Variants in SCN3A observed in about 807,000 individuals in gnomAD.
SCN3A encodes sodium channel protein type 3 subunit alpha.
Under a neutral mutation model 187.6 loss-of-function variants are expected in SCN3A, and 60 were observed. The observed-to-expected ratio is 0.32, with a 90% CI of 0.26 to 0.40. The LOEUF (loss-of-function observed/expected upper bound fraction) is 0.40, where lower values mean the gene tolerates loss of function less well. Ranked by LOEUF, SCN3A falls within the 10% of genes least tolerant of loss-of-function variation. The probability of loss-of-function intolerance (pLI) is 1.00; values close to 1 mark genes in which losing one functional copy is unlikely to be tolerated. For missense variants in SCN3A, 1,601 were observed against 2,428.2 expected, an observed-to-expected ratio of 0.66 and a Z score of 7.16; for synonymous variants, 788 against 829.2, an observed-to-expected ratio of 0.95 and a Z score of 0.85.
intron 26 of SCN3A, 180 bp downstream of exon 26, chr2:165,094,194 T>C: frequency 1.5e-6 from 1 of 650,422 alleles, no homozygotes; most frequent in Non-Finnish European, 2.8e-6. Context: ...ACCTCCTTTT[T>C]TTGGAATGTG....
At chr2:165,136,168 G>A (rs1221326589) in intron 15 of SCN3A, among the ~76,000 whole-genome samples, 1 of 152,064 alleles carries the variant, frequency 6.6e-6, no homozygotes, top group African/African-American at 2.4e-5. Flanking sequence ...TTTGTCTAGT[G>A]CTTTTTCATT....
chr2:165,114,819 A>G (rs1361217461), intron 19 of SCN3A, among the ~76,000 whole-genome samples: 1 of 152,196 alleles, frequency 6.6e-6, no homozygotes, highest in Non-Finnish European at 1.5e-5. Context: ...AAGGGATTAC[A>G]ATATCAATGA....
At chr2:165,121,686 C>T (rs1223031545) in intron 18 of SCN3A, among the ~76,000 whole-genome samples, 1 of 152,128 alleles carries the variant, frequency 6.6e-6, no homozygotes, top group Non-Finnish European at 1.5e-5. Context: ...TTCCTTGTCA[C>T]CAGAAGCCTT....
chr2:165,097,614 TGAAAAGAGTTAA>T (rs1685420445), intron 22 of SCN3A, 90 bp from the exon 23 acceptor site: 1 of 1,484,674 alleles, frequency 6.7e-7, no homozygotes, highest in Non-Finnish European at 9.3e-7. Flanking sequence ...AATATGTGCT[TGAAAAGAGTTAA>T]ATAAAAATCT....
At chr2:165,097,669 G>T in intron 22 of SCN3A, 145 bp from the exon 23 acceptor site, 1 of 1,042,094 alleles carries the variant, frequency 9.6e-7, no homozygotes, top group Non-Finnish European at 1.4e-6. Context: ...AATTTTTCTA[G>T]CACATATTTG....
At chr2:165,142,723 G>GTGGTGT (rs1553529037) in intron 12 of SCN3A, among the ~76,000 whole-genome samples, 5 of 148,710 alleles carry the variant, frequency 3.4e-5, no homozygotes, top group East Asian at 2.0e-4. Flanking sequence ...TCCAGAACTC[G>GTGGTGT]TGTTGTTGTT....
At chr2:165,094,745 T>A (rs553905601) in intron 25 of SCN3A, among the ~76,000 whole-genome samples, 2 of 152,336 alleles carry the variant, frequency 1.3e-5, no homozygotes, top group East Asian at 1.9e-4. Flanking sequence ...AAATATATTT[T>A]TGCAAAACAG....
chr2:165,184,745 A>G (rs1691120361), intron 2 of SCN3A, among the ~76,000 whole-genome samples: 1 of 152,190 alleles, frequency 6.6e-6, no homozygotes, highest in Non-Finnish European at 1.5e-5. Context: ...CTACTTTCAC[A>G]TGTATGCTAC....
chr2:165,136,029 A>C (rs1047889621), intron 15 of SCN3A, among the ~76,000 whole-genome samples: 2 of 152,166 alleles, frequency 1.3e-5, no homozygotes, highest in Non-Finnish European at 2.9e-5. Context: ...ATACATAAAA[A>C]GTCATTTAGT....
chr2:165,169,588 A>C (rs1689987096), intron 4 of SCN3A, among the ~76,000 whole-genome samples: 1 of 151,936 alleles, frequency 6.6e-6, no homozygotes, highest in Admixed American at 6.6e-5. Flanking sequence ...ATTTTATTTT[A>C]GAATATAAAT....
In SCN3A at chr2:165,092,384, G is replaced by C; in HGVS notation, c.4677C>G (p.Ser1559=). 1 of 1,613,902 alleles carries C rather than the reference G, an allele frequency of 6.2e-7. No individual in the cohort carries two copies. The highest frequency in any genetic ancestry group is 8.5e-7 in the Non-Finnish European group (1 of 1,179,940). ...DQGKYMTLVL[S]RINLVFIVLF... ...GAACAATGAACACTAGGTTGATCCG[G>C]GACAAAACTAGGGTCATGTATTTGC... is the stretch of plus-strand genomic sequence containing the variant. The change falls in exon 27 of 28, where the codon TCC becomes TCG. Residue 1559 remains serine (S), a synonymous_variant. Transcript: ENST00000283254. The surrounding 1 kb of genome is among the most constrained non-coding windows in gnomAD (Gnocchi z 4.2).
intron 26 of SCN3A, chr2:165,093,402 A>G (rs955795079): frequency 2.0e-5 from 3 of 152,186 alleles, no homozygotes; most frequent in African/African-American, 7.2e-5. Flanking sequence ...TGCTTTAACA[A>G]AAATGCATGA....
At chr2:165,181,757 A>G (rs909978644) in intron 2 of SCN3A, among the ~76,000 whole-genome samples, 1 of 152,212 alleles carries the variant, frequency 6.6e-6, no homozygotes, top group African/African-American at 2.4e-5. Context: ...TGAAAAAAAG[A>G]AAAGTGGCTT....
chr2:165,174,543 A>C (rs1690328087), intron 3 of SCN3A, among the ~76,000 whole-genome samples: 1 of 152,118 alleles, frequency 6.6e-6, no homozygotes, highest in African/African-American at 2.4e-5. Flanking sequence ...TTCCCCCTTA[A>C]TCTTACCAGC....
rs1689719965 is a variant in SCN3A, at chr2:165,165,773, A to G, written c.474-1253T>C. On this transcript the variant is annotated intron_variant, in intron 5 of 27. Transcript: ENST00000283254. The stretch of plus-strand genomic sequence containing the variant: ...ATTATTTTGAAATGTTTTCTGCACA[A>G]GTTTCTTTCATATGAGGGAACAAAG... Among the ~76,000 whole-genome samples, 4 of 152,302 alleles carry G rather than the reference A, an allele frequency of 2.6e-5. No individual in the cohort carries two copies. In the South Asian group the frequency reaches 8.3e-4, roughly 32 times the overall value.
chr2:165,105,406 C>A (rs1201517361), intron 21 of SCN3A, among the ~76,000 whole-genome samples: 4 of 152,084 alleles, frequency 2.6e-5, no homozygotes, highest in African/African-American at 4.8e-5. Context: ...CTCAGTATTT[C>A]TTAGGACAAG....
intron 17 of SCN3A, among the ~76,000 whole-genome samples, chr2:165,129,317 A>G (rs904406690): frequency 6.6e-6 from 1 of 152,264 alleles, no homozygotes; most frequent in Non-Finnish European, 1.5e-5. Flanking sequence ...AGTCTGGACA[A>G]TGTCCATACA....
At chr2:165,121,414 A>C (rs1310487721) in intron 18 of SCN3A, among the ~76,000 whole-genome samples, 1 of 152,218 alleles carries the variant, frequency 6.6e-6, no homozygotes, top group Admixed American at 6.5e-5. Context: ...GTACCATTTA[A>C]TTCTATTCTG....
chr2:165,194,004 T>G (rs1691775726), intron 1 of SCN3A, among the ~76,000 whole-genome samples: 1 of 152,086 alleles, frequency 6.6e-6, no homozygotes, highest in Admixed American at 6.6e-5. Flanking sequence ...GATACACAGT[T>G]ATAATGTTAC....
Sources: gnomAD v4.1 joint callset for allele counts (sites outside exome capture counted in the v4.1 genomes callset) on GRCh38, gnomAD v4.1.1 for gene constraint, Gnocchi (gnomAD v3.1) non-coding constraint, MANE v1.5 for transcripts, NCBI Gene and HGNC (gene_info 2026-07-23, HGNC 2026-07-21) for gene names.